Variants in XYLT1 observed in about 807,000 individuals in gnomAD.
XYLT1 encodes the protein beta-D-xylosyltransferase 1.
XYLT1 carries 36 observed loss-of-function variants against 91.3 expected under a neutral mutation model. The ratio of observed to expected loss-of-function variants is 0.39; its 90% confidence interval spans 0.30 to 0.52. The LOEUF (loss-of-function observed/expected upper bound fraction) is 0.52. XYLT1 is among the 20% of genes least tolerant of loss of function. The probability of loss-of-function intolerance (pLI) is 0.68; values close to 1 mark genes in which losing one functional copy is unlikely to be tolerated. For synonymous variants in XYLT1, 588 were observed against 532.0 expected (o/e 1.11, Z -1.45); for missense variants, 1,242 against 1,284.5 (o/e 0.97, Z 0.51).
chr16:17,377,625 A>G (rs1431612013), intron 1 of XYLT1, among the ~76,000 whole-genome samples: 1 of 151,940 alleles, frequency 6.6e-6, no homozygotes, highest in African/African-American at 2.4e-5. Context: ...GGAAGCTATG[A>G]TCCCATCCAT....
chr16:17,194,254 T>C (rs1266303198), intron 5 of XYLT1: 2 of 152,212 alleles, frequency 1.3e-5, no homozygotes, highest in African/African-American at 4.8e-5. Context: ...CGCTGCTAGC[T>C]AAGTGGCAGA....
chr16:17,464,483 C>T (rs2036861554), intron 1 of XYLT1, among the ~76,000 whole-genome samples: 1 of 80,332 alleles, frequency 1.2e-5, no homozygotes, highest in Non-Finnish European at 2.3e-5. Flanking sequence ...CAGAGCAAAA[C>T]TGTCTCAAAA....
rs1408095335 is a variant in XYLT1, at chr16:17,117,990, G to A, written c.2224-11C>T. On this transcript the variant is annotated splice_polypyrimidine_tract_variant and intron_variant, in intron 10 of 11. Coordinates refer to ENST00000261381, the MANE Select transcript of XYLT1 (RefSeq NM_022166.4). ...CCAGTCAGTGCCGACCTGAAACAGG[G>A]GAGTGAATTCTGAAGTCACTGGGCC... The A allele has an allele frequency of 4.4e-6, 7 of 1,601,234 alleles. No individual in the cohort carries two copies. Among genetic ancestry groups the A allele is most frequent in the Non-Finnish European group, 6.0e-6 (7 of 1,171,084 alleles).
chr16:17,283,616 T>C (rs192209076), intron 2 of XYLT1, among the ~76,000 whole-genome samples: 3 of 152,308 alleles, frequency 2.0e-5, no homozygotes. Flanking sequence ...GCCTTTGAAA[T>C]GACAACAATG....
chr16:17,455,081 A>G (rs1036968716), intron 1 of XYLT1, among the ~76,000 whole-genome samples: 5 of 152,070 alleles, frequency 3.3e-5, no homozygotes, highest in Non-Finnish European at 7.4e-5. Context: ...ACAAAAGAGT[A>G]CAGACTGTAT....
chr16:17,376,979 C>A (rs922315659), intron 1 of XYLT1, among the ~76,000 whole-genome samples: 1 of 152,090 alleles, frequency 6.6e-6, no homozygotes, highest in Admixed American at 6.6e-5. Flanking sequence ...AAGTTCGAGA[C>A]CAGCCTGGCC....
At chr16:17,420,556 T>G (rs540998965) in intron 1 of XYLT1, among the ~76,000 whole-genome samples, 3 of 152,236 alleles carry the variant, frequency 2.0e-5, no homozygotes, top group Admixed American at 6.5e-5. Flanking sequence ...ATCCAAGGCT[T>G]CTTCTATCTG....
At chr16:17,346,079 G>A (rs2035140415) in intron 2 of XYLT1, among the ~76,000 whole-genome samples, 1 of 152,152 alleles carries the variant, frequency 6.6e-6, no homozygotes, top group African/African-American at 2.4e-5. Context: ...CCAAAGTGCT[G>A]GGATTACAGG....
Position 17,470,737 on chromosome 16 carries a change from C to G in XYLT1, c.60G>C (p.Ala20=). 2.7e-6 allele frequency: 3 copies of G among 1,127,688 alleles called. No individual in the cohort carries two copies. The highest frequency in any genetic ancestry group is 2.2e-6 in the Non-Finnish European group (2 of 908,140). 69.9% of individuals were successfully genotyped at this position (1,127,688 alleles called of 1,614,324 possible). A position where few individuals can be genotyped will look rare whatever the true frequency, so the allele number is the denominator to read the frequency against. ...TCTGCAGCAGCAGCACCGTGAGCGC[C>G]GCGAGCAGCGCCGAGTGCGAGCGCC... is the stretch of plus-strand genomic sequence containing the variant. ...LARRSHSALL[A]ALTVLLLQTL... Residue 20 remains alanine, a synonymous_variant, in exon 1 of 12, where the codon GCG becomes GCC. Transcript: ENST00000261381.
intron 1 of XYLT1, among the ~76,000 whole-genome samples, chr16:17,380,970 AAAG>A (rs2035672387): frequency 6.6e-6 from 1 of 152,246 alleles, no homozygotes; most frequent in Non-Finnish European, 1.5e-5. Flanking sequence ...ATAGACACAG[AAAG>A]AAGAATGGCA....
chr16:17,450,825 T>C (rs2036656814), intron 1 of XYLT1, among the ~76,000 whole-genome samples: 1 of 152,132 alleles, frequency 6.6e-6, no homozygotes, highest in Non-Finnish European at 1.5e-5. Flanking sequence ...TCTCTCTAGA[T>C]CAGTGTTACC....
At chr16:17,241,546 T>C (rs1282596474) in intron 3 of XYLT1, among the ~76,000 whole-genome samples, 1 of 152,162 alleles carries the variant, frequency 6.6e-6, no homozygotes, top group African/African-American at 2.4e-5. Context: ...GATTTGGTTT[T>C]TAATGGCCAT....
intron 6 of XYLT1, among the ~76,000 whole-genome samples, chr16:17,153,731 T>C (rs1401191617): frequency 2.6e-5 from 4 of 152,298 alleles, no homozygotes; most frequent in South Asian, 4.1e-4. Flanking sequence ...TGCCCACTTA[T>C]AAAGGACCCA....
At chr16:17,266,771 G>A (rs1437916986) in intron 2 of XYLT1, among the ~76,000 whole-genome samples, 2 of 152,166 alleles carry the variant, frequency 1.3e-5, no homozygotes, top group African/African-American at 4.8e-5. Context: ...CCGAGGCTTC[G>A]TTCCAATCAC....
intron 2 of XYLT1, among the ~76,000 whole-genome samples, chr16:17,357,770 C>T (rs1423097297): frequency 6.6e-6 from 1 of 152,220 alleles, no homozygotes; most frequent in African/African-American, 2.4e-5. Context: ...ATGGTTCTCG[C>T]CACAGGTGGG....
intron 1 of XYLT1, among the ~76,000 whole-genome samples, chr16:17,361,922 T>C (rs1350761321): frequency 2.0e-5 from 3 of 152,242 alleles, no homozygotes; most frequent in Admixed American, 6.5e-5. Context: ...TTAACTTCTA[T>C]GCGTGTATCA....
chr16:17,248,367 T>A (rs970698136), intron 3 of XYLT1, among the ~76,000 whole-genome samples: 3 of 152,204 alleles, frequency 2.0e-5, no homozygotes, highest in Non-Finnish European at 2.9e-5. Flanking sequence ...GAGAACAGAC[T>A]AATACAGGGG....
chr16:17,137,822 T>C (rs1290637724), intron 8 of XYLT1, among the ~76,000 whole-genome samples: 1 of 152,178 alleles, frequency 6.6e-6, no homozygotes, highest in Non-Finnish European at 1.5e-5. Flanking sequence ...AAAATACAAA[T>C]TCGTCGATAT....
chr16:17,346,570 C>T (rs2035146720), intron 2 of XYLT1, among the ~76,000 whole-genome samples: 1 of 152,160 alleles, frequency 6.6e-6, no homozygotes, highest in Admixed American at 6.6e-5. Context: ...ATTTAAAAAT[C>T]TTCCTGAGGC....
Sources: allele counts gnomAD v4.1 joint callset (sites outside exome capture counted in the v4.1 genomes callset), GRCh38; gene constraint gnomAD v4.1.1; transcripts MANE v1.5; gene names NCBI Gene and HGNC (gene_info 2026-07-23, HGNC 2026-07-21).